COL4A2: variants seen among roughly 807,000 people sequenced by gnomAD.
COL4A2 encodes the protein collagen alpha-2(IV) chain.
COL4A2 carries 99 observed loss-of-function variants against 200.2 expected under a neutral mutation model. That is an observed-to-expected ratio of 0.49 (90% CI 0.42 to 0.58). COL4A2 has a LOEUF of 0.58. COL4A2 is among the 20% of genes least tolerant of loss of function. The probability of loss-of-function intolerance (pLI) is 0.00; values close to 1 mark genes in which losing one functional copy is unlikely to be tolerated. For synonymous variants in COL4A2, 897 were observed against 900.6 expected (o/e 1.00, Z 0.07); for missense variants, 1,950 against 2,314.1 (o/e 0.84, Z 3.23).
At chr13:110,392,915 G>A (rs1879040097) in intron 4 of COL4A2, among the ~76,000 whole-genome samples, 1 of 152,232 alleles carries the variant, frequency 6.6e-6, no homozygotes, top group African/African-American at 2.4e-5. Flanking sequence ...GATAGCCATG[G>A]GGCAGGTGGT....
rs1432058432 is a variant in COL4A2, at chr13:110,430,485, T to C, written c.585+49T>C. 3 of 1,613,984 alleles carry C rather than the reference T, an allele frequency of 1.9e-6. No homozygotes were observed. The African/African-American group carries it at 4.0e-5, about 22-fold the overall frequency. ...TATTCCAAACAAAAGTTTAAGAGCTTCAGAACTCCAAGTACCAGTTTACCT... is the reference window on the plus strand; with the variant it reads ...TATTCCAAACAAAAGTTTAAGAGCTCCAGAACTCCAAGTACCAGTTTACCT... On this transcript the variant is annotated intron_variant, in intron 9 of 47. Transcript: ENST00000360467.
intron 4 of COL4A2, among the ~76,000 whole-genome samples, chr13:110,364,696 T>C (rs1049574577): frequency 6.6e-6 from 1 of 152,126 alleles, no homozygotes; most frequent in Non-Finnish European, 1.5e-5. Context: ...CTTTATATTG[T>C]GCTTTCTTTT....
chr13:110,484,854 C>T, intron 32 of COL4A2, 51 bp from the exon 33 acceptor site: 1 of 1,546,780 alleles, frequency 6.5e-7, no homozygotes, highest in Non-Finnish European at 8.8e-7. Flanking sequence ...CCTGTGTTCT[C>T]CTGCGTGGTC....
At chr13:110,468,314 C>T (rs756674380) in intron 27 of COL4A2, 5 of 467,936 alleles carry the variant, frequency 1.1e-5, no homozygotes, top group African/African-American at 1.0e-4. Context: ...TTAGACCTGC[C>T]CCCGGTCTAA....
intron 3 of COL4A2, 67 bp downstream of exon 3, chr13:110,308,190 G>A: frequency 6.4e-7 from 1 of 1,571,484 alleles, no homozygotes; most frequent in Non-Finnish European, 8.7e-7. Flanking sequence ...AGTGGCCTTG[G>A]AGAAGGCAGC....
In COL4A2 at chr13:110,464,958, C is replaced by T. The variant is rs78365442; in HGVS notation, c.1777-447C>T. ...CCTGACTTCTGAGGCGCACACGGCT[C>T]TTTCCTTGTCCAAATTAGCTTCCTT... On this transcript the variant is annotated intron_variant, in intron 24 of 47. Coordinates refer to ENST00000360467, the MANE Select transcript of COL4A2 (RefSeq NM_001846.4). Among the ~76,000 whole-genome samples the T allele has an allele frequency of 4.0e-3, 609 of 152,342 alleles. 1 individual carries two copies. The highest frequency in any genetic ancestry group is 0.013 in the African/African-American group (526 of 41,574).
At chr13:110,466,865 G>A (rs538785240) in intron 26 of COL4A2, among the ~76,000 whole-genome samples, 175 bp from the exon 27 acceptor site, 1 of 152,260 alleles carries the variant, frequency 6.6e-6, no homozygotes, top group Non-Finnish European at 1.5e-5. Flanking sequence ...ATTACACAAT[G>A]AAATTAAACT....
At chr13:110,498,337 C>A (rs747608354) in intron 40 of COL4A2, among the ~76,000 whole-genome samples, 4 of 152,172 alleles carry the variant, frequency 2.6e-5, no homozygotes, top group Non-Finnish European at 5.9e-5. Context: ...GATCAGTTTA[C>A]CAGTCTGTCA....
chr13:110,430,655 T>A (rs1356391144), intron 10 of COL4A2, 48 bp downstream of exon 10: 1 of 1,612,788 alleles, frequency 6.2e-7, no homozygotes, highest in African/African-American at 1.3e-5. Flanking sequence ...CGTCCGGTCA[T>A]CCCTTCCAGA....
intron 4 of COL4A2, among the ~76,000 whole-genome samples, chr13:110,408,088 G>A (rs1319035490): frequency 6.6e-6 from 1 of 152,196 alleles, no homozygotes; most frequent in Non-Finnish European, 1.5e-5. Flanking sequence ...TGAGTTTGGA[G>A]GGGAAGAGAG....
intron 24 of COL4A2, among the ~76,000 whole-genome samples, chr13:110,464,744 A>G (rs925119743): frequency 2.6e-5 from 4 of 152,068 alleles, no homozygotes; most frequent in African/African-American, 4.8e-5. Flanking sequence ...GCTTATGCGC[A>G]TGGCTGTTCC....
intron 3 of COL4A2, among the ~76,000 whole-genome samples, chr13:110,334,240 A>G (rs1364521823): frequency 1.3e-5 from 2 of 152,252 alleles, no homozygotes; most frequent in African/African-American, 4.8e-5. Flanking sequence ...CTTGACATTC[A>G]GAAAGGCTGA....
At position 110,316,857 on chromosome 13, in the gene COL4A2, G is replaced by A. The variant is rs550003335; in HGVS notation, c.99+8734G>A. Among the ~76,000 whole-genome samples, 12 of 151,942 alleles carry A rather than the reference G, an allele frequency of 7.9e-5. No homozygotes were observed. In the South Asian group the frequency reaches 1.2e-3, roughly 16 times the overall value. ...CCCCAGCCACAGAATATATATACAC[G>A]TCAAAATACAGAAATTGTGGTACAT... On this transcript the variant is annotated intron_variant, in intron 3 of 47. Coordinates refer to ENST00000360467, the MANE Select transcript of COL4A2 (RefSeq NM_001846.4).
chr13:110,495,249 C>T (rs1241082332), intron 39 of COL4A2, 93 bp from the exon 40 acceptor site: 15 of 1,489,114 alleles, frequency 1.0e-5, no homozygotes, highest in African/African-American at 1.4e-5. Flanking sequence ...TGTTTCTTTG[C>T]TTTTGAGGCA....
chr13:110,466,092 A>G, intron 26 of COL4A2, 30 bp downstream of exon 26: 1 of 1,599,808 alleles, frequency 6.3e-7, no homozygotes, highest in Non-Finnish European at 8.5e-7. Flanking sequence ...TGGCTTTAGG[A>G]CACTAGAGAA....
chr13:110,506,353 T>C (rs1338659010), intron 45 of COL4A2, 62 bp from the exon 46 acceptor site: 1 of 1,517,872 alleles, frequency 6.6e-7, no homozygotes, highest in African/African-American at 1.4e-5. Flanking sequence ...CCGTCCACTC[T>C]CTCTCTTTCT....
chr13:110,411,191 A>G (rs747739278), intron 4 of COL4A2, among the ~76,000 whole-genome samples: 2 of 152,130 alleles, frequency 1.3e-5, no homozygotes, highest in Non-Finnish European at 2.9e-5. Flanking sequence ...CGGCCTCCTG[A>G]TTCCCCACAA....
intron 4 of COL4A2, among the ~76,000 whole-genome samples, chr13:110,365,840 C>T (rs1448355938): frequency 6.6e-6 from 1 of 152,144 alleles, no homozygotes; most frequent in Non-Finnish European, 1.5e-5. Flanking sequence ...GAAGCTAGGG[C>T]CTTTCTTAGG....
chr13:110,310,024 A>G (rs1439362827), intron 3 of COL4A2, among the ~76,000 whole-genome samples: 1 of 152,214 alleles, frequency 6.6e-6, no homozygotes, highest in Non-Finnish European at 1.5e-5. Context: ...AAACCTAGTT[A>G]CTAAACATAG....
Sources: allele counts gnomAD v4.1 joint callset (sites outside exome capture counted in the v4.1 genomes callset), GRCh38; gene constraint gnomAD v4.1.1; transcripts MANE v1.5; gene names NCBI Gene and HGNC (gene_info 2026-07-23, HGNC 2026-07-21).